Variants in DENND5B observed in about 807,000 individuals in gnomAD.
DENND5B encodes DENN domain-containing protein 5B.
A neutral mutation model predicts 140.6 loss-of-function variants in DENND5B; 34 were observed. That is an observed-to-expected ratio of 0.24 (90% confidence interval 0.18 to 0.32). The LOEUF is 0.32. Ranked by LOEUF, DENND5B falls within the 10% of genes least tolerant of loss-of-function variation. The pLI is 1.00. For synonymous variants in DENND5B, 551 were observed against 562.1 expected, an observed-to-expected ratio of 0.98 and a Z score of 0.28; for missense variants, 1,142 against 1,560.2, an observed-to-expected ratio of 0.73 and a Z score of 4.52.
chr12:31,453,497 G>T (rs4931499), intron 4 of DENND5B, among the ~76,000 whole-genome samples: 3 of 152,192 alleles, frequency 2.0e-5, no homozygotes, highest in East Asian at 1.9e-4. Flanking sequence ...CTCTTAATCA[G>T]GACAAGGTTG....
chr12:31,479,072 C>T (rs1945953723), intron 3 of DENND5B, among the ~76,000 whole-genome samples: 1 of 152,192 alleles, frequency 6.6e-6, no homozygotes. Flanking sequence ...CATGCCTGCT[C>T]ACCTTTTCTC....
chr12:31,542,858 G>A (rs1948732012), intron 1 of DENND5B, among the ~76,000 whole-genome samples: 1 of 152,166 alleles, frequency 6.6e-6, no homozygotes, highest in African/African-American at 2.4e-5. Flanking sequence ...TCAGGAAGCT[G>A]AGGTGGAGGG....
intron 1 of DENND5B, among the ~76,000 whole-genome samples, chr12:31,586,462 C>T (rs1229211661): frequency 2.0e-5 from 3 of 152,154 alleles, no homozygotes; most frequent in Non-Finnish European, 4.4e-5. Flanking sequence ...TACATGTGGA[C>T]ATCACCATAA....
At chr12:31,457,279 A>G (rs879945460) in intron 4 of DENND5B, among the ~76,000 whole-genome samples, 1 of 151,988 alleles carries the variant, frequency 6.6e-6, no homozygotes, top group Non-Finnish European at 1.5e-5. Flanking sequence ...TCTCTATCCT[A>G]CTCCCTAAAA....
At position 31,398,993 on chromosome 12, in the gene DENND5B, G is replaced by T. The variant is rs535497432; in HGVS notation, c.3069-631C>A. ...AGAAATTAGCCGGGCGTGGTGGCAG[G>T]TACCTGTAATCCCAGCTACTCGGGA... On this transcript the variant is annotated intron_variant, in intron 16 of 20. Transcript: ENST00000389082. 2.0e-5 allele frequency among the ~76,000 whole-genome samples: 3 copies of T among 151,282 alleles called. No homozygotes were observed. In the South Asian group the frequency reaches 6.3e-4, roughly 32 times the overall value.
At chr12:31,531,196 T>C (rs1948264637) in intron 1 of DENND5B, among the ~76,000 whole-genome samples, 1 of 152,330 alleles carries the variant, frequency 6.6e-6, no homozygotes, top group African/African-American at 2.4e-5. Context: ...AACTAACTTT[T>C]TTTTTTTTTC....
intron 1 of DENND5B, among the ~76,000 whole-genome samples, chr12:31,543,475 G>GA (rs1228397434): frequency 6.6e-6 from 1 of 152,034 alleles, no homozygotes; most frequent in African/African-American, 2.4e-5. Flanking sequence ...ATTTTATCTG[G>GA]AAAAAAACCC....
chr12:31,407,624 G>T (rs1197636012), intron 14 of DENND5B, among the ~76,000 whole-genome samples: 1 of 152,108 alleles, frequency 6.6e-6, no homozygotes, highest in Non-Finnish European at 1.5e-5. Context: ...TATTTATTGA[G>T]ATTTTTTGGA....
chr12:31,544,474 G>A (rs1173545195), intron 1 of DENND5B, among the ~76,000 whole-genome samples: 3 of 151,932 alleles, frequency 2.0e-5, no homozygotes, highest in Non-Finnish European at 4.4e-5. Context: ...TTGTAGAGAC[G>A]GGGTCTCCCT....
intron 1 of DENND5B, among the ~76,000 whole-genome samples, chr12:31,518,933 C>T (rs961333176): frequency 1.3e-5 from 2 of 152,168 alleles, no homozygotes; most frequent in Non-Finnish European, 2.9e-5. Flanking sequence ...AGCATTAAAC[C>T]TGCGTCAGAA....
intron 1 of DENND5B, among the ~76,000 whole-genome samples, chr12:31,566,338 C>CTGTGTGTG (rs6144677): frequency 0.059 from 8,797 of 148,480 alleles, 281 homozygotes; most frequent in Middle Eastern, 0.083. Context: ...CTCTTAAAAA[C>CTGTGTGTG]TGTGTGTGTG....
At chr12:31,556,724 T>G (rs1949296878) in intron 1 of DENND5B, among the ~76,000 whole-genome samples, 1 of 152,206 alleles carries the variant, frequency 6.6e-6, no homozygotes, top group Non-Finnish European at 1.5e-5. Flanking sequence ...AAAGTGATTC[T>G]AGGTCTTTCA....
chr12:31,501,759 G>A (rs1201824304), intron 1 of DENND5B, among the ~76,000 whole-genome samples: 3 of 104,566 alleles, frequency 2.9e-5, no homozygotes, highest in African/African-American at 1.1e-4. Context: ...GGCAACAAGA[G>A]CAAAACTCCA....
intron 1 of DENND5B, among the ~76,000 whole-genome samples, chr12:31,515,143 A>C (rs527630560): frequency 3.2e-4 from 49 of 152,106 alleles, no homozygotes; most frequent in African/African-American, 9.6e-4. Flanking sequence ...ACAGAACGTA[A>C]GACTTGCGAT....
intron 7 of DENND5B, among the ~76,000 whole-genome samples, chr12:31,440,574 T>C (rs1943986349): frequency 6.6e-6 from 1 of 152,252 alleles, no homozygotes; most frequent in Non-Finnish European, 1.5e-5. Context: ...AATATATAAC[T>C]TTTCCACATT....
chr12:31,572,589 A>T (rs1457376681), intron 1 of DENND5B, among the ~76,000 whole-genome samples: 1 of 151,478 alleles, frequency 6.6e-6, no homozygotes, highest in Non-Finnish European at 1.5e-5. Context: ...ATAGCCAATG[A>T]AATCAGTCTC....
intron 1 of DENND5B, among the ~76,000 whole-genome samples, chr12:31,584,409 AAG>A (rs1476084387): frequency 1.3e-5 from 2 of 152,198 alleles, no homozygotes; most frequent in Non-Finnish European, 2.9e-5. Flanking sequence ...TTTCACTATA[AAG>A]AGTTTTATTT....
intron 3 of DENND5B, among the ~76,000 whole-genome samples, chr12:31,461,874 A>G (rs945297760): frequency 6.6e-6 from 1 of 152,194 alleles, no homozygotes; most frequent in African/African-American, 2.4e-5. Flanking sequence ...TAAAAAGGTT[A>G]AGAAAATGAT....
Position 31,451,927 on chromosome 12 carries a change from T to C in DENND5B, c.1629+13A>G, listed in dbSNP as rs1593200662. ...ACTAATAACCACAAAAGGAAAACTA[T>C]GGTTCTTTTTACTTTGTCAAAGTTC... On this transcript the variant is annotated intron_variant, in intron 5 of 20. Transcript: ENST00000389082. 6.2e-7 allele frequency: 1 copy of C among 1,612,610 alleles called. No individual in the cohort carries two copies. The highest frequency in any genetic ancestry group is 8.5e-7 in the Non-Finnish European group (1 of 1,179,528).
Sources: gnomAD v4.1 joint callset for allele counts (sites outside exome capture counted in the v4.1 genomes callset) on GRCh38, gnomAD v4.1.1 for gene constraint, MANE v1.5 for transcripts, NCBI Gene and HGNC (gene_info 2026-07-23, HGNC 2026-07-21) for gene names.